CTNNA3: variants seen among roughly 807,000 people sequenced by gnomAD.
CTNNA3 encodes the protein catenin alpha-3.
CTNNA3 carries 76 observed loss-of-function variants against 95.7 expected under a neutral mutation model. That is an observed-to-expected ratio of 0.79 (90% CI 0.66 to 0.96). The LOEUF (loss-of-function observed/expected upper bound fraction) is 0.96. Ranked by LOEUF, CTNNA3 falls within the 40% of genes least tolerant of loss-of-function variation. CTNNA3 has a pLI of 0.00. For missense variants in CTNNA3, 1,191 were observed against 1,089.8 expected, an observed-to-expected ratio of 1.09 and a Z score of -1.31; for synonymous variants, 431 against 374.4, an observed-to-expected ratio of 1.15 and a Z score of -1.74.
intron 3 of CTNNA3, among the ~76,000 whole-genome samples, chr10:67,569,217 G>C (rs1482747557): frequency 6.6e-6 from 1 of 152,082 alleles, no homozygotes; most frequent in Non-Finnish European, 1.5e-5. Context: ...TTTTCTTTTA[G>C]TGCATTTGAT....
intron 9 of CTNNA3, among the ~76,000 whole-genome samples, chr10:66,661,911 T>A (rs1846277429): frequency 6.6e-6 from 1 of 152,164 alleles, no homozygotes; most frequent in African/African-American, 2.4e-5. Flanking sequence ...CAACGTATGG[T>A]GGAATTACAA....
intron 7 of CTNNA3, among the ~76,000 whole-genome samples, chr10:67,035,686 T>C (rs892542846): frequency 6.6e-6 from 1 of 152,182 alleles, no homozygotes; most frequent in Admixed American, 6.5e-5. Context: ...ATTCAATCTT[T>C]CAATCAAATT....
At chr10:66,926,383 G>A in intron 7 of CTNNA3, 1 of 666,690 alleles carries the variant, frequency 1.5e-6, no homozygotes, top group Admixed American at 2.4e-5. Flanking sequence ...GCGGTGTTGG[G>A]ATTTATTTGT....
chr10:67,003,653 AGTCTTATT>A (rs1454464272), intron 7 of CTNNA3, among the ~76,000 whole-genome samples: 15 of 152,310 alleles, frequency 9.8e-5, no homozygotes, highest in African/African-American at 3.6e-4. Flanking sequence ...TTTTCAAGTG[AGTCTTATT>A]AACATAAAAC....
intron 5 of CTNNA3, among the ~76,000 whole-genome samples, chr10:67,294,838 T>C (rs1419582010): frequency 2.0e-5 from 3 of 152,132 alleles, no homozygotes; most frequent in Non-Finnish European, 4.4e-5. Context: ...TAGACTGAGG[T>C]GTTGTGATTA....
At chr10:67,020,752 G>A (rs1852956365) in intron 7 of CTNNA3, among the ~76,000 whole-genome samples, 1 of 152,152 alleles carries the variant, frequency 6.6e-6, no homozygotes, top group African/African-American at 2.4e-5. Context: ...ATACAAACTA[G>A]ATTAATTCTA....
At chr10:66,107,811 A>G (rs1564651388) in intron 13 of CTNNA3, among the ~76,000 whole-genome samples, 1 of 152,100 alleles carries the variant, frequency 6.6e-6, no homozygotes, top group Non-Finnish European at 1.5e-5. Context: ...TAAAGAAGAG[A>G]GAAAAAAACA....
intron 7 of CTNNA3, among the ~76,000 whole-genome samples, chr10:67,166,507 G>A (rs531906602): frequency 3.3e-5 from 5 of 152,024 alleles, no homozygotes; most frequent in Non-Finnish European, 5.9e-5. Context: ...AAGATTTGCA[G>A]GGATTAACTA....
intron 7 of CTNNA3, among the ~76,000 whole-genome samples, chr10:66,937,707 C>T (rs1847785487): frequency 1.3e-5 from 2 of 152,110 alleles, no homozygotes; most frequent in Admixed American, 6.6e-5. Context: ...CATGCTCTAC[C>T]ACTGGCAGGT....
intron 1 of CTNNA3, among the ~76,000 whole-genome samples, chr10:67,688,821 C>G (rs1202567372): frequency 6.6e-6 from 1 of 152,208 alleles, no homozygotes; most frequent in Non-Finnish European, 1.5e-5. Flanking sequence ...CTTACTGATG[C>G]AGCAACAGAA....
intron 3 of CTNNA3, among the ~76,000 whole-genome samples, chr10:67,601,903 G>T (rs892537266): frequency 2.0e-5 from 3 of 151,914 alleles, no homozygotes; most frequent in Non-Finnish European, 4.4e-5. Flanking sequence ...CCTTTCATGG[G>T]CAGGTTCTTT....
intron 10 of CTNNA3, among the ~76,000 whole-genome samples, chr10:66,568,137 G>C (rs1047495477): frequency 6.6e-6 from 1 of 152,134 alleles, no homozygotes; most frequent in Non-Finnish European, 1.5e-5. Flanking sequence ...ACAAAAGAGA[G>C]CATAAAGAAG....
chr10:67,425,798 T>A (rs113384821), intron 5 of CTNNA3, among the ~76,000 whole-genome samples: 2,647 of 152,104 alleles, frequency 0.017, 85 homozygotes, highest in African/African-American at 0.058. Flanking sequence ...AGAAGGGGGA[T>A]GGAGAGAGGT....
intron 12 of CTNNA3, among the ~76,000 whole-genome samples, chr10:66,293,457 T>G (rs2091723078): frequency 1.3e-5 from 2 of 151,980 alleles, no homozygotes; most frequent in African/African-American, 4.8e-5. Flanking sequence ...AAAAGTTAGA[T>G]TACAACAAGT....
intron 3 of CTNNA3, among the ~76,000 whole-genome samples, chr10:67,580,492 G>C (rs1313179238): frequency 6.6e-6 from 1 of 151,700 alleles, no homozygotes; most frequent in Non-Finnish European, 1.5e-5. Flanking sequence ...CAGGTAGCAT[G>C]ATGCCTCCAG....
intron 8 of CTNNA3, 104 bp downstream of exon 8, chr10:66,775,340 A>T (rs1003899057): frequency 4.0e-5 from 30 of 749,500 alleles, no homozygotes; most frequent in Non-Finnish European, 6.2e-5. Context: ...TTCCTGTTCT[A>T]AATTAATTTG....
intron 7 of CTNNA3, among the ~76,000 whole-genome samples, chr10:67,055,737 T>C (rs1463000156): frequency 6.6e-6 from 1 of 152,120 alleles, no homozygotes; most frequent in African/African-American, 2.4e-5. Context: ...ACCTCAGAGC[T>C]AACAGTGGGC....
intron 13 of CTNNA3, among the ~76,000 whole-genome samples, chr10:66,165,293 A>G (rs2085067980): frequency 6.6e-6 from 1 of 152,126 alleles, no homozygotes; most frequent in Non-Finnish European, 1.5e-5. Context: ...GACACTGGGG[A>G]CCACTAGAGT....
chr10:67,240,076 A>G (rs1865661776), intron 5 of CTNNA3, among the ~76,000 whole-genome samples: 1 of 152,236 alleles, frequency 6.6e-6, no homozygotes, highest in Admixed American at 6.5e-5. Context: ...TCAACAAAGC[A>G]GAGCTACATA....
Sources: allele counts gnomAD v4.1 joint callset (sites outside exome capture counted in the v4.1 genomes callset), GRCh38; gene constraint gnomAD v4.1.1; transcripts MANE v1.5; gene names NCBI Gene and HGNC (gene_info 2026-07-23, HGNC 2026-07-21).